Variants in FHIT observed in about 807,000 individuals in gnomAD.
The protein encoded by FHIT is fragile histidine triad diadenosine triphosphatase.
Under a neutral mutation model 17.9 loss-of-function variants are expected in FHIT, and 19 were observed. That is an observed-to-expected ratio of 1.06 (90% confidence interval 0.74 to 1.56). The LOEUF is 1.56. Ranked by LOEUF, FHIT falls within the 40% of genes most tolerant of loss-of-function variation. The pLI is 0.00. For missense variants in FHIT, 248 were observed against 189.2 expected (o/e 1.31, Z -1.82); for synonymous variants, 81 against 69.7 (o/e 1.16, Z -0.81).
At chr3:61,148,046 T>G (rs941071747) in intron 2 of FHIT, among the ~76,000 whole-genome samples, 1 of 151,264 alleles carries the variant, frequency 6.6e-6, no homozygotes, top group South Asian at 2.1e-4. Context: ...GGGAGAAAAG[T>G]TTAAAAAAAA....
intron 5 of FHIT, among the ~76,000 whole-genome samples, chr3:60,296,094 C>T (rs1301962933): frequency 6.6e-6 from 1 of 152,140 alleles, no homozygotes; most frequent in Non-Finnish European, 1.5e-5. Flanking sequence ...TCACCTTCTG[C>T]CATGATTGTG....
intron 4 of FHIT, among the ~76,000 whole-genome samples, chr3:60,798,840 C>G (rs1414298195): frequency 2.7e-5 from 4 of 148,990 alleles, no homozygotes; most frequent in African/African-American, 4.9e-5. Context: ...TCACTGCAAC[C>G]TCCTCCTCCC....
rs151000903 is a variant in FHIT, at chr3:59,806,085, G to T, written c.349-53764C>A. On this transcript the variant is annotated intron_variant, in intron 8 of 9. Coordinates refer to ENST00000492590, the MANE Select transcript of FHIT (RefSeq NM_002012.4). ...AGTCCCAGCTACTCCGGAGGCTGAGGCAGGAGAATGGCGTGAACCCAGGAG... is the reference window on the plus strand; with the variant it reads ...AGTCCCAGCTACTCCGGAGGCTGAGTCAGGAGAATGGCGTGAACCCAGGAG... Among the ~76,000 whole-genome samples, 1,333 of 152,034 alleles carry T rather than the reference G, an allele frequency of 8.8e-3. 21 individuals are homozygous for T. Among genetic ancestry groups the T allele is most frequent in the African/African-American group, 0.03 (1,260 of 41,438 alleles).
At chr3:59,794,308 T>C (rs1052134347) in intron 8 of FHIT, among the ~76,000 whole-genome samples, 5 of 152,188 alleles carry the variant, frequency 3.3e-5, no homozygotes, top group South Asian at 2.1e-4. Flanking sequence ...ATGGCACCAA[T>C]TGAAAACGCA....
intron 2 of FHIT, among the ~76,000 whole-genome samples, chr3:61,090,659 T>C (rs1459724719): frequency 6.6e-6 from 1 of 152,078 alleles, no homozygotes; most frequent in Non-Finnish European, 1.5e-5. Context: ...AATGTGTGTG[T>C]GTAGAGATAA....
chr3:60,253,642 C>T (rs1705838679), intron 5 of FHIT, among the ~76,000 whole-genome samples: 2 of 152,156 alleles, frequency 1.3e-5, no homozygotes, highest in Admixed American at 6.5e-5. Flanking sequence ...CTCTGGATCT[C>T]TAGACAAAGC....
chr3:60,204,505 G>C (rs1047512240), intron 5 of FHIT, among the ~76,000 whole-genome samples: 1 of 149,894 alleles, frequency 6.7e-6, no homozygotes, highest in African/African-American at 2.5e-5. Context: ...TGCCCGGACT[G>C]GTCTTGAACT....
intron 1 of FHIT, among the ~76,000 whole-genome samples, chr3:61,212,548 G>GGA (rs1473855373): frequency 2.0e-5 from 3 of 152,186 alleles, no homozygotes; most frequent in Non-Finnish European, 4.4e-5. Flanking sequence ...AAAGTGATGG[G>GGA]GAGAATGGAA....
intron 5 of FHIT, among the ~76,000 whole-genome samples, chr3:60,484,249 A>G (rs2033741423): frequency 6.6e-6 from 1 of 152,322 alleles, no homozygotes; most frequent in African/African-American, 2.4e-5. Context: ...ATACTGCCCA[A>G]AGTAATTTAC....
rs782523819 is a variant in FHIT, at chr3:60,672,749, ATATT to A, written c.-17-135774_-17-135771del. ...ATTCAGTTTTAAGTCTACCATCTGA[ATATT>A]TATGCCATCTTTTTTTGTTTCCTTC... On this transcript the variant is annotated intron_variant, in intron 4 of 9. Transcript: ENST00000492590. 2.6e-5 allele frequency among the ~76,000 whole-genome samples: 4 copies of A among 152,106 alleles called. No homozygotes were observed. The East Asian group carries it at 5.8e-4, about 22-fold the overall frequency.
chr3:60,438,506 A>C (rs1450071663), intron 5 of FHIT, among the ~76,000 whole-genome samples: 2 of 152,138 alleles, frequency 1.3e-5, no homozygotes, highest in South Asian at 2.1e-4. Flanking sequence ...TCTATTCCGC[A>C]CTTAACTTTC....
chr3:61,176,813 C>T (rs1249023558), intron 2 of FHIT, among the ~76,000 whole-genome samples: 2 of 152,128 alleles, frequency 1.3e-5, no homozygotes, highest in Admixed American at 6.5e-5. Context: ...CTTGGGAGTC[C>T]GTGTTCTAGC....
At chr3:59,989,780 T>C (rs1311615740) in intron 7 of FHIT, among the ~76,000 whole-genome samples, 3 of 152,036 alleles carry the variant, frequency 2.0e-5, no homozygotes, top group Non-Finnish European at 2.9e-5. Context: ...CATTGATTGA[T>C]TGTAAACAAA....
intron 3 of FHIT, among the ~76,000 whole-genome samples, chr3:60,857,721 G>A (rs1000886427): frequency 3.3e-5 from 5 of 152,114 alleles, no homozygotes; most frequent in Non-Finnish European, 5.9e-5. Context: ...TTCAGGCCAG[G>A]AGTTCAAGAC....
At chr3:59,914,525 G>C (rs6787894) in intron 8 of FHIT, among the ~76,000 whole-genome samples, 11 of 152,118 alleles carry the variant, frequency 7.2e-5, no homozygotes, top group Admixed American at 5.2e-4. Context: ...TTTGAATTAC[G>C]TGTATCATTC....
At chr3:61,122,086 G>A (rs952826324) in intron 2 of FHIT, among the ~76,000 whole-genome samples, 3 of 152,022 alleles carry the variant, frequency 2.0e-5, no homozygotes, top group African/African-American at 4.8e-5. Flanking sequence ...GAGGCATCAC[G>A]CTACCTGACT....
chr3:59,973,250 T>A (rs1420794163), intron 7 of FHIT, among the ~76,000 whole-genome samples: 3 of 152,122 alleles, frequency 2.0e-5, no homozygotes, highest in Non-Finnish European at 4.4e-5. Flanking sequence ...ACAATTCTGA[T>A]TCCCTCTGTT....
intron 3 of FHIT, among the ~76,000 whole-genome samples, chr3:60,856,895 T>A (rs1254866633): frequency 6.6e-6 from 1 of 152,162 alleles, no homozygotes; most frequent in African/African-American, 2.4e-5. Flanking sequence ...CTACTCATAC[T>A]TGGCTTCTGA....
intron 2 of FHIT, among the ~76,000 whole-genome samples, chr3:61,140,720 T>C (rs2037057322): frequency 6.6e-6 from 1 of 152,124 alleles, no homozygotes; most frequent in African/African-American, 2.4e-5. Context: ...TAGCCACCAC[T>C]GAAATAATGA....
Sources: allele counts gnomAD v4.1 joint callset (sites outside exome capture counted in the v4.1 genomes callset), GRCh38; gene constraint gnomAD v4.1.1; transcripts MANE v1.5; gene names NCBI Gene and HGNC (gene_info 2026-07-23, HGNC 2026-07-21).